The following NOL4 variants were observed in gnomAD, a reference collection of about 807,000 sequenced individuals.
NOL4 encodes nucleolar protein 4.
In NOL4, 17 loss-of-function variants were observed where a neutral mutation model predicts 75.9. That is an observed-to-expected ratio of 0.22 (90% confidence interval 0.15 to 0.34). The LOEUF (loss-of-function observed/expected upper bound fraction) is 0.34, where lower values mean the gene tolerates loss of function less well. NOL4 is among the 10% of genes least tolerant of loss of function. NOL4 has a pLI of 1.00. For synonymous variants in NOL4, 292 were observed against 289.9 expected, an observed-to-expected ratio of 1.01 and a Z score of -0.07; for missense variants, 614 against 793.5, an observed-to-expected ratio of 0.77 and a Z score of 2.72.
At chr18:34,090,464 G>T (rs1034650124) in intron 5 of NOL4, among the ~76,000 whole-genome samples, 1 of 152,170 alleles carries the variant, frequency 6.6e-6, no homozygotes, top group Non-Finnish European at 1.5e-5. Context: ...GCTCAGGAAA[G>T]ATGTCAGGGC....
intron 5 of NOL4, among the ~76,000 whole-genome samples, chr18:34,092,740 A>G (rs1014545954): frequency 4.6e-5 from 7 of 152,232 alleles, no homozygotes; most frequent in Non-Finnish European, 1.0e-4. Context: ...AATTACCAAA[A>G]TAAGTCACAT....
chr18:34,154,410 TC>T (rs2029950820), intron 1 of NOL4, among the ~76,000 whole-genome samples: 1 of 151,958 alleles, frequency 6.6e-6, no homozygotes, highest in Non-Finnish European at 1.5e-5. Flanking sequence ...CTTGCTTATC[TC>T]CCCAGAGATA....
chr18:33,920,425 T>C (rs1015958934), intron 9 of NOL4, among the ~76,000 whole-genome samples: 4 of 152,250 alleles, frequency 2.6e-5, no homozygotes, highest in Admixed American at 2.6e-4. Context: ...TCAATATTTC[T>C]GCTGGTAAAT....
intron 4 of NOL4, among the ~76,000 whole-genome samples, chr18:34,096,211 C>T (rs548839937): frequency 6.6e-6 from 1 of 151,934 alleles, no homozygotes; most frequent in Admixed American, 6.5e-5. Flanking sequence ...ATTAAAAAAA[C>T]CATGTTAAAT....
In NOL4 at chr18:33,919,155, A is replaced by G. The variant is rs375268960; in HGVS notation, c.1542+23910T>C. Among the ~76,000 whole-genome samples, 52 of 152,318 alleles carry G rather than the reference A, an allele frequency of 3.4e-4. 1 individual carries two copies. The South Asian group carries it at 0.011, about 31-fold the overall frequency. ...TTTCTGGAAATACTTGTAAGACCTA[A>G]TGAGCGTGTCATCTTTGGGTTGGAC... On this transcript the variant is annotated intron_variant, in intron 9 of 10. Coordinates refer to ENST00000261592, the MANE Select transcript of NOL4 (RefSeq NM_003787.5).
At chr18:34,170,302 C>T (rs1334565366) in intron 1 of NOL4, among the ~76,000 whole-genome samples, 2 of 151,992 alleles carry the variant, frequency 1.3e-5, no homozygotes, top group East Asian at 1.9e-4. Flanking sequence ...CTCAGCCTCC[C>T]GAGTAGCTGG....
At chr18:34,211,544 G>A (rs2036517958) in intron 1 of NOL4, among the ~76,000 whole-genome samples, 1 of 152,122 alleles carries the variant, frequency 6.6e-6, no homozygotes, top group African/African-American at 2.4e-5. Flanking sequence ...AAACCCTTCA[G>A]CCATCTGGCA....
At chr18:33,950,372 C>T (rs1568114032) in intron 8 of NOL4, among the ~76,000 whole-genome samples, 2 of 152,082 alleles carry the variant, frequency 1.3e-5, no homozygotes, top group African/African-American at 4.8e-5. Context: ...ATACCAGTTG[C>T]AAGATGCTAT....
chr18:34,219,225 G>T (rs1339804805), intron 1 of NOL4, among the ~76,000 whole-genome samples: 4 of 152,034 alleles, frequency 2.6e-5, no homozygotes, highest in African/African-American at 9.7e-5. Flanking sequence ...TATAAGAAAG[G>T]CATAATTTAG....
At chr18:34,086,521 G>C (rs1024078248) in intron 5 of NOL4, among the ~76,000 whole-genome samples, 2 of 151,992 alleles carry the variant, frequency 1.3e-5, no homozygotes, top group African/African-American at 4.8e-5. Flanking sequence ...TCAGTATACT[G>C]TTTTACATCA....
At chr18:34,090,451 T>C (rs904899144) in intron 5 of NOL4, among the ~76,000 whole-genome samples, 2 of 152,146 alleles carry the variant, frequency 1.3e-5, no homozygotes, top group African/African-American at 4.8e-5. Flanking sequence ...GAGATAGTCC[T>C]GAGCTCAGGA....
At chr18:34,148,993 T>C (rs565309055) in intron 1 of NOL4, among the ~76,000 whole-genome samples, 2 of 151,874 alleles carry the variant, frequency 1.3e-5, no homozygotes, top group South Asian at 2.1e-4. Context: ...AATATAAATA[T>C]AGGGTTCCTC....
chr18:34,103,816 G>A, intron 4 of NOL4, among the ~76,000 whole-genome samples: 1 of 151,900 alleles, frequency 6.6e-6, no homozygotes, highest in East Asian at 1.9e-4. Context: ...TAGCTTTCTT[G>A]GGAACAAACA....
intron 1 of NOL4, among the ~76,000 whole-genome samples, chr18:34,197,161 T>C (rs1191196916): frequency 6.6e-6 from 1 of 152,062 alleles, no homozygotes; most frequent in Non-Finnish European, 1.5e-5. Flanking sequence ...GTTTTAGTGA[T>C]AGTCAATATT....
intron 9 of NOL4, among the ~76,000 whole-genome samples, chr18:33,904,333 T>C (rs981450752): frequency 6.6e-6 from 1 of 151,890 alleles, no homozygotes; most frequent in African/African-American, 2.4e-5. Context: ...AAAGAGGGTA[T>C]ATAAACGAAA....
intron 5 of NOL4, among the ~76,000 whole-genome samples, chr18:34,031,851 C>T (rs1438085534): frequency 1.3e-5 from 2 of 152,150 alleles, no homozygotes; most frequent in African/African-American, 4.8e-5. Context: ...GCCTCTTCAC[C>T]CTTCATAGGT....
intron 1 of NOL4, among the ~76,000 whole-genome samples, chr18:34,171,790 G>A (rs2033066027): frequency 6.6e-6 from 1 of 152,126 alleles, no homozygotes; most frequent in Non-Finnish European, 1.5e-5. Flanking sequence ...CACATATTCT[G>A]ACCATGACTT....
chr18:33,878,841 C>G (rs764184926), intron 10 of NOL4, among the ~76,000 whole-genome samples: 1 of 152,096 alleles, frequency 6.6e-6, no homozygotes, highest in Non-Finnish European at 1.5e-5. Flanking sequence ...GATTTTACAT[C>G]TGTGTCTACT....
At chr18:34,107,761 G>A (rs2079377338) in intron 2 of NOL4, among the ~76,000 whole-genome samples, 1 of 151,818 alleles carries the variant, frequency 6.6e-6, no homozygotes, top group Middle Eastern at 3.2e-3. Flanking sequence ...GGAATTTTCA[G>A]GAGTCACCAA....
Sources: allele counts gnomAD v4.1 joint callset (sites outside exome capture counted in the v4.1 genomes callset), GRCh38; gene constraint gnomAD v4.1.1; transcripts MANE v1.5; gene names NCBI Gene and HGNC (gene_info 2026-07-23, HGNC 2026-07-21).